Variants in GRAMD1C observed in about 807,000 individuals in gnomAD.
GRAMD1C encodes GRAM domain containing 1C, also known as protein Aster-C.
GRAMD1C carries 89 observed loss-of-function variants against 97.8 expected under a neutral mutation model. The ratio of observed to expected loss-of-function variants is 0.91; its 90% CI spans 0.77 to 1.09. GRAMD1C has a LOEUF of 1.09. Ranked by LOEUF, GRAMD1C falls within the 50% of genes least tolerant of loss-of-function variation. The probability of loss-of-function intolerance (pLI) is 0.00; values close to 1 mark genes in which losing one functional copy is unlikely to be tolerated. For missense variants in GRAMD1C, 740 were observed against 766.4 expected, an observed-to-expected ratio of 0.97 and a Z score of 0.41; for synonymous variants, 256 against 267.0, an observed-to-expected ratio of 0.96 and a Z score of 0.40.
chr3:113,834,799 G>C (rs914084068), upstream of GRAMD1C, among the ~76,000 whole-genome samples: 1 of 151,448 alleles, frequency 6.6e-6, no homozygotes, highest in Non-Finnish European at 1.5e-5. Context: ...AATTAGCTGG[G>C]CGTGGTGGTG....
At chr3:113,834,160 A>G (rs930433278), upstream of GRAMD1C, among the ~76,000 whole-genome samples, 4 of 152,114 alleles carry the variant, frequency 2.6e-5, no homozygotes, top group Non-Finnish European at 4.4e-5. Flanking sequence ...CAAATTCGCT[A>G]TATTACTTTA....
At chr3:113,933,767 A>G in intron 12 of GRAMD1C, 114 bp downstream of exon 12, 2 of 733,782 alleles carry the variant, frequency 2.7e-6, no homozygotes, top group Non-Finnish European at 4.4e-6. Context: ...TGCTTAAATT[A>G]CATTTCCAAC....
rs767569802 is a variant in GRAMD1C at position 113,945,489 on chromosome 3, G to T, written c.*11G>T. ...GCTGTTGAAAGCTAGTGATCTGAAG[G>T]ACTAAAACCGCAGAGATACTTGGAA... is the stretch of plus-strand genomic sequence containing the variant. On this transcript the variant is annotated 3_prime_UTR_variant, in exon 18 of 18. Transcript: ENST00000358160. The T allele has an allele frequency of 1.2e-5, 17 of 1,411,114 alleles. No individual in the cohort carries two copies. The South Asian group carries it at 1.9e-4, about 16-fold the overall frequency. 87.4% of individuals were successfully genotyped at this position (1,411,114 alleles called of 1,614,324 possible).
At chr3:113,927,780 C>T (rs536146762) in intron 10 of GRAMD1C, among the ~76,000 whole-genome samples, 37 of 152,284 alleles carry the variant, frequency 2.4e-4, no homozygotes, top group African/African-American at 8.7e-4. Context: ...TGAGTTCAGG[C>T]AGAAGTGGGA....
intron 10 of GRAMD1C, among the ~76,000 whole-genome samples, chr3:113,923,424 T>C (rs1937131334): frequency 2.6e-5 from 4 of 152,182 alleles, no homozygotes. Flanking sequence ...TGACTCTTAT[T>C]ATTTTGAGGT....
chr3:113,883,201 C>T (rs1399705993), intron 6 of GRAMD1C, among the ~76,000 whole-genome samples: 3 of 152,032 alleles, frequency 2.0e-5, no homozygotes, highest in Non-Finnish European at 2.9e-5. Flanking sequence ...AACACTGCAA[C>T]CAAAAGGCAG....
intron 2 of GRAMD1C, among the ~76,000 whole-genome samples, chr3:113,860,124 C>A (rs933162750): frequency 6.6e-6 from 1 of 152,052 alleles, no homozygotes; most frequent in Non-Finnish European, 1.5e-5. Flanking sequence ...TGGGTTCAAG[C>A]GATTCTCCTG....
intron 2 of GRAMD1C, chr3:113,850,199 T>C: frequency 2.1e-6 from 1 of 474,940 alleles, no homozygotes; most frequent in Non-Finnish European, 4.0e-6. Flanking sequence ...TTTTTTGCTG[T>C]ACGTTTATTC....
chr3:113,877,480 T>C (rs1440222243), intron 5 of GRAMD1C, among the ~76,000 whole-genome samples: 1 of 152,212 alleles, frequency 6.6e-6, no homozygotes, highest in Non-Finnish European at 1.5e-5. Flanking sequence ...GAAGAGCTCT[T>C]TCGTCTTTTC....
chr3:113,879,967 T>A (rs981539420), intron 5 of GRAMD1C, among the ~76,000 whole-genome samples: 2 of 152,164 alleles, frequency 1.3e-5, no homozygotes, highest in Admixed American at 6.5e-5. Context: ...GTGTCGGGAT[T>A]ACCAGCGTGA....
In GRAMD1C at chr3:113,915,292, G is replaced by A. The variant is rs1936768465; in HGVS notation, c.953-409G>A. Among the ~76,000 whole-genome samples, 2 of 152,312 alleles carry A rather than the reference G, an allele frequency of 1.3e-5. 1 individual carries two copies. Among genetic ancestry groups the A allele is most frequent in the South Asian group, 4.1e-4 (2 of 4,828 alleles). On this transcript the variant is annotated intron_variant, in intron 9 of 17. Coordinates refer to ENST00000358160, the MANE Select transcript of GRAMD1C (RefSeq NM_017577.5). Reference sequence around the variant, plus strand: ...CCATTGATAAATTAATATTTACTGAGTGAGCATTCAGAGGTAGAAGTTGCT... The same window carrying A: ...CCATTGATAAATTAATATTTACTGAATGAGCATTCAGAGGTAGAAGTTGCT...
At chr3:113,851,665 C>T (rs1933911740) in intron 2 of GRAMD1C, among the ~76,000 whole-genome samples, 1 of 151,092 alleles carries the variant, frequency 6.6e-6, no homozygotes. Context: ...ACTACAGGTG[C>T]ACGCCACCAG....
At chr3:113,844,043 G>A (rs1334605473) in intron 1 of GRAMD1C, among the ~76,000 whole-genome samples, 1 of 152,150 alleles carries the variant, frequency 6.6e-6, no homozygotes, top group Non-Finnish European at 1.5e-5. Flanking sequence ...TCTGGAGATG[G>A]AGGACTTTGT....
At chr3:113,834,947 A>G (rs1214573786), upstream of GRAMD1C, among the ~76,000 whole-genome samples, 1 of 152,046 alleles carries the variant, frequency 6.6e-6, no homozygotes, top group Non-Finnish European at 1.5e-5. Context: ...CTCAAAAAAA[A>G]AAAAAAAAAG....
At chr3:113,897,705 A>G in intron 6 of GRAMD1C, 1 of 983,730 alleles carries the variant, frequency 1.0e-6, no homozygotes, top group Non-Finnish European at 1.2e-6. Context: ...TTTCTGGGCC[A>G]GAAATTGATC....
At chr3:113,912,884 G>A (rs977269187) in intron 9 of GRAMD1C, among the ~76,000 whole-genome samples, 2 of 152,146 alleles carry the variant, frequency 1.3e-5, no homozygotes, top group African/African-American at 4.8e-5. Context: ...AATAAAAGTA[G>A]TTGTTTAAAG....
chr3:113,940,615 T>A (rs1182889457), intron 17 of GRAMD1C, among the ~76,000 whole-genome samples: 1 of 151,482 alleles, frequency 6.6e-6, no homozygotes, highest in Non-Finnish European at 1.5e-5. Flanking sequence ...GATGTTTCCA[T>A]ATCAGTGTGT....
At chr3:113,851,979 G>A (rs749687973) in intron 2 of GRAMD1C, among the ~76,000 whole-genome samples, 4 of 151,754 alleles carry the variant, frequency 2.6e-5, no homozygotes, top group African/African-American at 4.8e-5. Context: ...AGCGATTCTC[G>A]TGCCTCAGCC....
upstream of GRAMD1C, among the ~76,000 whole-genome samples, chr3:113,838,201 AT>A (rs1384322239): frequency 6.6e-6 from 1 of 152,158 alleles, no homozygotes; most frequent in Non-Finnish European, 1.5e-5. Flanking sequence ...TCGGCATTTT[AT>A]TTTTGGTTTA....
Sources: gnomAD v4.1 joint callset for allele counts (sites outside exome capture counted in the v4.1 genomes callset) on GRCh38, gnomAD v4.1.1 for gene constraint, MANE v1.5 for transcripts, NCBI Gene and HGNC (gene_info 2026-07-23, HGNC 2026-07-21) for gene names.